ANKRD26: variants seen among roughly 807,000 people sequenced by gnomAD.
ANKRD26 encodes the protein ankyrin repeat domain-containing protein 26.
Under a neutral mutation model 208.7 loss-of-function variants are expected in ANKRD26, and 141 were observed. That is an observed-to-expected ratio of 0.68 (90% CI 0.59 to 0.78). ANKRD26 has a LOEUF of 0.78. Ranked by LOEUF, ANKRD26 falls within the 30% of genes least tolerant of loss-of-function variation. The pLI, the probability that ANKRD26 is intolerant of heterozygous loss-of-function variation, is 0.00. For synonymous variants in ANKRD26, 636 were observed against 660.4 expected (o/e 0.96, Z 0.57); for missense variants, 1,889 against 1,938.7 (o/e 0.97, Z 0.48).
chr10:27,042,952 C>CAAAAA (rs376971749), intron 20 of ANKRD26, among the ~76,000 whole-genome samples: 1 of 82,410 alleles, frequency 1.2e-5, no homozygotes, highest in African/African-American at 4.1e-5. Context: ...AATTTTGTCT[C>CAAAAA]AAAAAAAAAA....
intron 1 of ANKRD26, among the ~76,000 whole-genome samples, chr10:27,095,425 T>C (rs538858540): frequency 6.6e-6 from 1 of 152,346 alleles, no homozygotes; most frequent in South Asian, 2.1e-4. Flanking sequence ...CCCAACACTT[T>C]GGGAAGCCAA....
intron 3 of ANKRD26, 95 bp downstream of exon 3, chr10:27,093,254 T>C (rs2056357184): frequency 1.0e-5 from 12 of 1,156,436 alleles, no homozygotes; most frequent in Admixed American, 2.0e-5. Context: ...AGGGAATGCT[T>C]GCGCTTCCAA....
downstream of ANKRD26, among the ~76,000 whole-genome samples, chr10:26,990,671 C>T (rs2052470283): frequency 1.3e-5 from 2 of 152,050 alleles, no homozygotes. Flanking sequence ...ATGAGAATGT[C>T]CAGAAAGACT....
chr10:27,061,377 T>C (rs2055049990), intron 12 of ANKRD26, 135 bp from the exon 13 acceptor site: 1 of 565,654 alleles, frequency 1.8e-6, no homozygotes, highest in Non-Finnish European at 3.0e-6. Flanking sequence ...CAATGCAGTG[T>C]TTATTTAAAA....
downstream of ANKRD26, among the ~76,000 whole-genome samples, chr10:26,973,009 T>C (rs1441204604): frequency 6.6e-6 from 1 of 152,234 alleles, no homozygotes; most frequent in Non-Finnish European, 1.5e-5. Context: ...CATGCTCATA[T>C]CCAGATTCCT....
rs145343619 is a variant in ANKRD26, at chr10:27,008,163, G to C, written c.4954-1201C>G. ...TCACTAAATACCCAGAACATGGTCT[G>C]AAATAGTACACTATATAGTGAGCAT... On this transcript the variant is annotated intron_variant, in intron 32 of 33. Transcript: ENST00000376087. 3.3e-3 allele frequency among the ~76,000 whole-genome samples: 499 copies of C among 152,050 alleles called. 1 individual carries two copies. Among genetic ancestry groups the C allele is most frequent in the African/African-American group, 0.011 (462 of 41,534 alleles).
rs1013129246 is a variant in ANKRD26 at position 27,026,796 on chromosome 10, T to G, written c.3972+2056A>C. On this transcript the variant is annotated intron_variant, in intron 27 of 33. Transcript: ENST00000376087. ...TGAGACTGGACTGTTAAGGTTTTGGTTTTTTTTAGTTTTTTTTTTTGAGAT... is the reference window on the plus strand; with the variant it reads ...TGAGACTGGACTGTTAAGGTTTTGGGTTTTTTTAGTTTTTTTTTTTGAGAT... Among the ~76,000 whole-genome samples, 17 of 151,798 alleles carry G rather than the reference T, an allele frequency of 1.1e-4. No homozygotes were observed. In the East Asian group the frequency reaches 2.5e-3, roughly 22 times the overall value.
chr10:27,006,625 C>T (rs892464974), intron 33 of ANKRD26, among the ~76,000 whole-genome samples: 2 of 151,908 alleles, frequency 1.3e-5, no homozygotes, highest in African/African-American at 2.4e-5. Flanking sequence ...GGCTACAGTT[C>T]TATGGGGATG....
the ANKRD26 span, among the ~76,000 whole-genome samples, chr10:26,955,493 G>GTA: frequency 2.3e-4 from 34 of 151,078 alleles, no homozygotes; most frequent in African/African-American, 4.6e-4. Flanking sequence ...ATATGTGTGT[G>GTA]TATATATATA....
chr10:27,085,511 T>C (rs1254057477), intron 5 of ANKRD26, among the ~76,000 whole-genome samples: 1 of 152,246 alleles, frequency 6.6e-6, no homozygotes, highest in Non-Finnish European at 1.5e-5. Context: ...GTAACATGAC[T>C]TGTGCTTCTC....
At chr10:26,981,656 C>T (rs17294487) in intron 4 of ANKRD26, among the ~76,000 whole-genome samples, 14,815 of 152,226 alleles carry the variant, frequency 0.097, 891 homozygotes, top group Middle Eastern at 0.16. Flanking sequence ...ATATACCCAG[C>T]GGGAGTTTCT....
At chr10:26,968,724 G>A in the ANKRD26 span, among the ~76,000 whole-genome samples, 1 of 152,190 alleles carries the variant, frequency 6.6e-6, no homozygotes, top group Non-Finnish European at 1.5e-5. Context: ...AAAATACTTA[G>A]GGCAGCCTTA....
intron 9 of ANKRD26, among the ~76,000 whole-genome samples, chr10:27,073,632 G>A (rs2055585226): frequency 6.6e-6 from 1 of 152,124 alleles, no homozygotes; most frequent in Non-Finnish European, 1.5e-5. Context: ...TTATCCACCT[G>A]CTTTAGCTGC....
At chr10:26,963,902 G>GT in the ANKRD26 span, among the ~76,000 whole-genome samples, 2,906 of 66,890 alleles carry the variant, frequency 0.043, 596 homozygotes, top group Non-Finnish European at 0.067. Flanking sequence ...ATGGTTGGTT[G>GT]GTTTTTTTTT....
At chr10:27,000,175 G>A (rs1298497731), downstream of ANKRD26, among the ~76,000 whole-genome samples, 3 of 152,178 alleles carry the variant, frequency 2.0e-5, no homozygotes, top group Admixed American at 2.0e-4. Flanking sequence ...AGAGGACCCA[G>A]ATAGACCATG....
At chr10:27,047,701 A>ATACTACCACTAC in intron 17 of ANKRD26, among the ~76,000 whole-genome samples, 1 of 138,900 alleles carries the variant, frequency 7.2e-6, no homozygotes, top group African/African-American at 2.7e-5. Flanking sequence ...AACTGTAATA[A>ATACTACCACTAC]TACTACTACT....
intron 15 of ANKRD26, among the ~76,000 whole-genome samples, chr10:27,057,261 C>T (rs950324318): frequency 4.6e-5 from 7 of 152,182 alleles, no homozygotes; most frequent in African/African-American, 1.7e-4. Context: ...CCTTTACTTG[C>T]CATTTGCTCA....
intron 16 of ANKRD26, among the ~76,000 whole-genome samples, chr10:27,049,883 T>C (rs562202152): frequency 6.5e-4 from 99 of 152,236 alleles, no homozygotes; most frequent in African/African-American, 2.3e-3. Context: ...CAAAGTAATT[T>C]AATGCCATAG....
chr10:27,064,011 T>G lies in ANKRD26; in HGVS notation c.1340A>C (p.Asn447Thr). The G allele has an allele frequency of 1.2e-6, 2 of 1,609,850 alleles. No individual in the cohort carries two copies. The highest frequency in any genetic ancestry group is 1.7e-6 in the Non-Finnish European group (2 of 1,178,586). ...LAGAADGKEK[N>T]IGNEQAEDVF... ...ACCTTCTGCTTGTTCATTTCCTATA[T>G]TTTTTTCTTTTCCGTCTGCAGCCCC... Residue 447 changes from asparagine to threonine, a missense_variant, in exon 12 of 34, where the codon AAT (asparagine) becomes ACT (threonine). This residue lies in a region of ANKRD26 where 1,272 missense variants were observed against 1,273.8 expected (regional missense o/e 1.00). Transcript: ENST00000376087.
Sources: gnomAD v4.1 joint callset for allele counts (sites outside exome capture counted in the v4.1 genomes callset) on GRCh38, gnomAD v4.1.1 for gene constraint, gnomAD v4.1.1 regional missense constraint, MANE v1.5 for transcripts, NCBI Gene and HGNC (gene_info 2026-07-23, HGNC 2026-07-21) for gene names.